Variants in ELMO1 observed in about 807,000 individuals in gnomAD.
ELMO1 encodes engulfment and cell motility protein 1.
ELMO1 carries 26 observed loss-of-function variants against 98.9 expected under a neutral mutation model. The observed-to-expected ratio is 0.26, with a 90% confidence interval of 0.19 to 0.36. The LOEUF (loss-of-function observed/expected upper bound fraction) is 0.36, where lower values mean the gene tolerates loss of function less well. Ranked by LOEUF, ELMO1 falls within the 10% of genes least tolerant of loss-of-function variation. ELMO1 has a pLI of 1.00. For missense variants in ELMO1, 627 were observed against 935.2 expected, an observed-to-expected ratio of 0.67 and a Z score of 4.30; for synonymous variants, 346 against 346.0, an observed-to-expected ratio of 1.00 and a Z score of 0.00.
chr7:37,424,637 C>A (rs1804630882), intron 1 of ELMO1, among the ~76,000 whole-genome samples: 1 of 152,158 alleles, frequency 6.6e-6, no homozygotes, highest in African/African-American at 2.4e-5. Context: ...AAAATTCCAA[C>A]CAATGACACA....
At chr7:36,894,809 G>A (rs770672251) in intron 17 of ELMO1, 45 bp downstream of exon 17, 53 of 1,611,766 alleles carry the variant, frequency 3.3e-5, no homozygotes, top group Non-Finnish European at 4.2e-5. Context: ...AGAAATAGTG[G>A]GTTAGAGTCT....
chr7:37,266,552 C>G (rs951210938), intron 5 of ELMO1, among the ~76,000 whole-genome samples: 1 of 152,156 alleles, frequency 6.6e-6, no homozygotes, highest in Non-Finnish European at 1.5e-5. Context: ...GTCAATAATT[C>G]AGTTCGCTTA....
intron 15 of ELMO1, among the ~76,000 whole-genome samples, chr7:37,044,317 G>A (rs917562197): frequency 2.0e-5 from 3 of 152,106 alleles, no homozygotes; most frequent in Admixed American, 2.0e-4. Flanking sequence ...TCTGTAAACT[G>A]TATCCCATTA....
rs143841687 is a variant in ELMO1, at chr7:37,321,307, C to G, written c.79-5347G>C. Among the ~76,000 whole-genome samples, 645 of 152,230 alleles carry G rather than the reference C, an allele frequency of 4.2e-3. 6 individuals carry two copies. The highest frequency in any genetic ancestry group is 0.015 in the African/African-American group (620 of 41,536). ...TAGTTAACATTTGCCCAAAAGGTTA[C>G]GTAAGGTACGTCTATCTGTCCAATT... On this transcript the variant is annotated intron_variant, in intron 2 of 21. Transcript: ENST00000310758.
intron 14 of ELMO1, among the ~76,000 whole-genome samples, chr7:37,120,159 A>G (rs375566948): frequency 9.8e-5 from 15 of 152,348 alleles, no homozygotes; most frequent in African/African-American, 7.2e-5. Context: ...TTTGGGGTCC[A>G]GGTTCCAAGA....
rs537434794 is a variant in ELMO1, at chr7:37,302,371, C to T, written c.192+12479G>A. ...AGTACAGCAGAAATGATCCTGTAAACCTCTAAGGCTAGGTCATAACGAGCC... is the reference window on the plus strand; with the variant it reads ...AGTACAGCAGAAATGATCCTGTAAATCTCTAAGGCTAGGTCATAACGAGCC... On this transcript the variant is annotated intron_variant, in intron 4 of 21. Transcript: ENST00000310758. Among the ~76,000 whole-genome samples, 4 of 152,228 alleles carry T rather than the reference C, an allele frequency of 2.6e-5. No individual in the cohort carries two copies. The South Asian group carries it at 6.2e-4, about 24-fold the overall frequency.
intron 15 of ELMO1, among the ~76,000 whole-genome samples, chr7:37,086,743 C>CA (rs755237121): frequency 0.056 from 2,634 of 47,014 alleles, 21 homozygotes; most frequent in East Asian, 0.12. Context: ...ATCCTGTCTC[C>CA]AAAAAAAAAA....
chr7:36,992,015 T>C (rs933262681), intron 16 of ELMO1, among the ~76,000 whole-genome samples: 4 of 152,222 alleles, frequency 2.6e-5, no homozygotes, highest in Non-Finnish European at 5.9e-5. Context: ...GCAGGTGGGA[T>C]TATTCCCAAG....
rs558798715 is a variant in ELMO1 at position 37,197,907 on chromosome 7, G to A, written c.1086+13479C>T. 3.3e-5 allele frequency among the ~76,000 whole-genome samples: 5 copies of A among 152,300 alleles called. No homozygotes were observed. In the East Asian group the frequency reaches 9.7e-4, roughly 29 times the overall value. Reference sequence around the variant, plus strand: ...TCTGGTGGTCCTCTGTCCTAGCACTGTCCAGCCTAGGTCCAAGGCACTCTC... The same window carrying A: ...TCTGGTGGTCCTCTGTCCTAGCACTATCCAGCCTAGGTCCAAGGCACTCTC... On this transcript the variant is annotated intron_variant, in intron 13 of 21. Transcript: ENST00000310758.
At chr7:36,891,236 A>G (rs372962765) in intron 17 of ELMO1, among the ~76,000 whole-genome samples, 1 of 152,204 alleles carries the variant, frequency 6.6e-6, no homozygotes, top group Admixed American at 6.5e-5. Flanking sequence ...GGTAAGAAAT[A>G]TGTCTGTTCT....
chr7:37,319,849 A>G (rs1184773759), intron 2 of ELMO1, among the ~76,000 whole-genome samples: 1 of 152,182 alleles, frequency 6.6e-6, no homozygotes, highest in African/African-American at 2.4e-5. Context: ...GTCCCTGCAG[A>G]TAAGTCTCCA....
At chr7:37,170,584 C>T (rs1790082566) in intron 13 of ELMO1, among the ~76,000 whole-genome samples, 1 of 149,576 alleles carries the variant, frequency 6.7e-6, no homozygotes. Context: ...TTTTCTTTTT[C>T]TTTCTCTCTC....
At chr7:37,259,650 C>T (rs560858760) in intron 5 of ELMO1, among the ~76,000 whole-genome samples, 1 of 152,270 alleles carries the variant, frequency 6.6e-6, no homozygotes, top group African/African-American at 2.4e-5. Context: ...AGAAACTGAA[C>T]AGGATGCGGC....
At chr7:37,096,233 T>C (rs1433463967) in intron 15 of ELMO1, among the ~76,000 whole-genome samples, 1 of 152,182 alleles carries the variant, frequency 6.6e-6, no homozygotes, top group African/African-American at 2.4e-5. Context: ...AATTTTTCTT[T>C]ATAGAGAAAA....
At chr7:36,974,785 G>T (rs189992716) in intron 16 of ELMO1, among the ~76,000 whole-genome samples, 3 of 152,178 alleles carry the variant, frequency 2.0e-5, no homozygotes, top group Non-Finnish European at 4.4e-5. Flanking sequence ...GGTCCACACT[G>T]CTTTTATGAG....
chr7:37,006,864 T>C (rs975060740), intron 16 of ELMO1, among the ~76,000 whole-genome samples: 4 of 152,188 alleles, frequency 2.6e-5, no homozygotes, highest in Non-Finnish European at 4.4e-5. Context: ...CATACACTTA[T>C]TGAAAAAGAT....
chr7:37,063,256 C>G (rs1217956957), intron 15 of ELMO1, among the ~76,000 whole-genome samples: 1 of 152,182 alleles, frequency 6.6e-6, no homozygotes, highest in Non-Finnish European at 1.5e-5. Context: ...CCAAGTATGA[C>G]TGTATTACCT....
At chr7:37,065,657 C>T (rs540744401) in intron 15 of ELMO1, among the ~76,000 whole-genome samples, 40 of 152,206 alleles carry the variant, frequency 2.6e-4, no homozygotes, top group Middle Eastern at 3.4e-3. Flanking sequence ...AGTACCAACC[C>T]ACATGGAAAA....
intron 15 of ELMO1, chr7:37,013,649 A>G (rs893100612): frequency 9.4e-6 from 5 of 532,588 alleles, no homozygotes; most frequent in Non-Finnish European, 1.7e-5. Context: ...CCTTAGACAC[A>G]TATTTTTGGA....
Sources: gnomAD v4.1 joint callset for allele counts (sites outside exome capture counted in the v4.1 genomes callset) on GRCh38, gnomAD v4.1.1 for gene constraint, MANE v1.5 for transcripts, NCBI Gene and HGNC (gene_info 2026-07-23, HGNC 2026-07-21) for gene names.